MAP4K3: variants seen among roughly 807,000 people sequenced by gnomAD.
MAP4K3 encodes the protein MAPK/ERK kinase kinase kinase 3.
A neutral mutation model predicts 143.5 loss-of-function variants in MAP4K3; 94 were observed. That is an observed-to-expected ratio of 0.65 (90% confidence interval 0.55 to 0.78). The LOEUF (loss-of-function observed/expected upper bound fraction) is 0.78. Among genes scored for constraint, MAP4K3 ranks in the 30% least tolerant of loss-of-function variants. The pLI, the probability that MAP4K3 is intolerant of heterozygous loss-of-function variation, is 0.00. For synonymous variants in MAP4K3, 416 were observed against 347.2 expected, an observed-to-expected ratio of 1.20 and a Z score of -2.20; for missense variants, 1,077 against 1,068.1, an observed-to-expected ratio of 1.01 and a Z score of -0.12.
chr2:39,354,240 G>C (rs1034472253), intron 3 of MAP4K3, among the ~76,000 whole-genome samples: 1 of 152,004 alleles, frequency 6.6e-6, no homozygotes, highest in Admixed American at 6.6e-5. Context: ...TCAGGAGATC[G>C]AGATCATCCT....
chr2:39,326,012 T>C, intron 9 of MAP4K3, 51 bp from the exon 10 acceptor site: 1 of 1,503,982 alleles, frequency 6.6e-7, no homozygotes, highest in Non-Finnish European at 9.1e-7. Context: ...CACATTTTTA[T>C]CTATTACACA....
At chr2:39,310,471 ATTTCT>A (rs891585880) in intron 13 of MAP4K3, among the ~76,000 whole-genome samples, 14 of 152,084 alleles carry the variant, frequency 9.2e-5, no homozygotes, top group African/African-American at 3.4e-4. Flanking sequence ...TATATACTAC[ATTTCT>A]TTTATTTATT....
chr2:39,287,426 T>C (rs968561556), intron 20 of MAP4K3, among the ~76,000 whole-genome samples: 5 of 151,646 alleles, frequency 3.3e-5, no homozygotes, highest in Non-Finnish European at 7.4e-5. Context: ...GTCTCCCAAG[T>C]AGCTGGGATT....
chr2:39,345,410 T>C (rs1220131359), intron 3 of MAP4K3, among the ~76,000 whole-genome samples: 3 of 152,052 alleles, frequency 2.0e-5, no homozygotes. Context: ...GACCGAGATC[T>C]GAATCTTAAA....
chr2:39,358,910 G>C (rs528318650), intron 2 of MAP4K3, among the ~76,000 whole-genome samples: 1 of 152,090 alleles, frequency 6.6e-6, no homozygotes, highest in African/African-American at 2.4e-5. Context: ...TGAGACATGC[G>C]TGGTGACACA....
chr2:39,411,572 T>A (rs1451559319), intron 1 of MAP4K3, among the ~76,000 whole-genome samples: 1 of 152,246 alleles, frequency 6.6e-6, no homozygotes. Context: ...AATGTTACAA[T>A]TCTGGAAATC....
At chr2:39,345,382 ACT>A (rs2148538188) in intron 3 of MAP4K3, among the ~76,000 whole-genome samples, 1 of 152,134 alleles carries the variant, frequency 6.6e-6, no homozygotes, top group South Asian at 2.1e-4. Context: ...GTGCTACCAC[ACT>A]CTGGCCTGGG....
intron 15 of MAP4K3, among the ~76,000 whole-genome samples, chr2:39,306,080 G>A (rs1324580951): frequency 6.6e-6 from 1 of 152,094 alleles, no homozygotes; most frequent in Non-Finnish European, 1.5e-5. Flanking sequence ...TGCCCGCCTT[G>A]GCCTCCCAAA....
chr2:39,391,331 C>A (rs564230581), intron 1 of MAP4K3, among the ~76,000 whole-genome samples: 10 of 115,008 alleles, frequency 8.7e-5, no homozygotes, highest in Non-Finnish European at 1.2e-4. Flanking sequence ...TGCACTCTGG[C>A]CTGAGCGACA....
At chr2:39,367,308 GAGGCAGGTGGACTGCTTC>G (rs1665949368) in intron 2 of MAP4K3, among the ~76,000 whole-genome samples, 1 of 152,186 alleles carries the variant, frequency 6.6e-6, no homozygotes, top group Admixed American at 6.5e-5. Flanking sequence ...TTAGGAAGCT[GAGGCAGGTGGACTGCTTC>G]AGCCCAGGAG....
intron 3 of MAP4K3, among the ~76,000 whole-genome samples, chr2:39,347,876 G>C (rs115455275): frequency 0.017 from 2,610 of 152,052 alleles, 29 homozygotes; most frequent in South Asian, 0.035. Context: ...AGCTTTGCTA[G>C]TGATCAATGA....
At chr2:39,419,678 T>C (rs191162012) in intron 1 of MAP4K3, among the ~76,000 whole-genome samples, 4 of 152,316 alleles carry the variant, frequency 2.6e-5, no homozygotes, top group Admixed American at 1.3e-4. Context: ...CCTAGTAGTA[T>C]TGGTGAATTA....
intron 2 of MAP4K3, among the ~76,000 whole-genome samples, chr2:39,359,473 T>C (rs937436300): frequency 2.0e-5 from 3 of 152,198 alleles, no homozygotes; most frequent in South Asian, 2.1e-4. Context: ...CAGTGCAAGC[T>C]GTCAGTGGAT....
chr2:39,305,805 T>G (rs1682681202), intron 15 of MAP4K3, among the ~76,000 whole-genome samples: 1 of 151,782 alleles, frequency 6.6e-6, no homozygotes, highest in African/African-American at 2.4e-5. Flanking sequence ...TAGTTCCACA[T>G]GTGGCACAGA....
At chr2:39,292,695 C>T (rs1343202562) in intron 18 of MAP4K3, 78 bp downstream of exon 18, 2 of 1,142,214 alleles carry the variant, frequency 1.8e-6, no homozygotes, top group Non-Finnish European at 2.6e-6. Context: ...AAATTTCCAT[C>T]AATATTAAGC....
At chr2:39,402,004 C>T (rs1470893911) in intron 1 of MAP4K3, among the ~76,000 whole-genome samples, 2 of 151,756 alleles carry the variant, frequency 1.3e-5, no homozygotes, top group Non-Finnish European at 2.9e-5. Context: ...ATCAATAAAA[C>T]AGATTCAAAA....
At chr2:39,398,684 C>G (rs1002308062) in intron 1 of MAP4K3, among the ~76,000 whole-genome samples, 1 of 149,132 alleles carries the variant, frequency 6.7e-6, no homozygotes, top group Non-Finnish European at 1.5e-5. Flanking sequence ...TGGTGTAAGC[C>G]TTTCCTTTGA....
At chr2:39,420,407 C>T (rs1306744775) in intron 1 of MAP4K3, among the ~76,000 whole-genome samples, 1 of 151,848 alleles carries the variant, frequency 6.6e-6, no homozygotes, top group Non-Finnish European at 1.5e-5. Flanking sequence ...TCATGAATTC[C>T]ATATTTTTTT....
chr2:39,348,404 T>G (rs1665358157), intron 3 of MAP4K3, among the ~76,000 whole-genome samples: 1 of 152,158 alleles, frequency 6.6e-6, no homozygotes, highest in Non-Finnish European at 1.5e-5. Context: ...ATACTTTACT[T>G]TTATAATATT....
Sources: allele counts gnomAD v4.1 joint callset (sites outside exome capture counted in the v4.1 genomes callset), GRCh38; gene constraint gnomAD v4.1.1; transcripts MANE v1.5; gene names NCBI Gene and HGNC (gene_info 2026-07-23, HGNC 2026-07-21).